The following PIWIL3 variants were observed in gnomAD, a reference collection of about 807,000 sequenced individuals.
PIWIL3 encodes piwi-like protein 3.
A neutral mutation model predicts 109.7 loss-of-function variants in PIWIL3; 101 were observed. The observed-to-expected ratio is 0.92, with a 90% CI of 0.78 to 1.09. The LOEUF (loss-of-function observed/expected upper bound fraction) is 1.09, where lower values mean the gene tolerates loss of function less well. Among genes scored for constraint, PIWIL3 ranks in the 50% least tolerant of loss-of-function variants. The pLI is 0.00. For synonymous variants in PIWIL3, 373 were observed against 376.4 expected, an observed-to-expected ratio of 0.99 and a Z score of 0.10; for missense variants, 1,031 against 1,072.6, an observed-to-expected ratio of 0.96 and a Z score of 0.54.
intron 14 of PIWIL3, among the ~76,000 whole-genome samples, chr22:24,731,707 C>T (rs541132103): frequency 6.6e-6 from 1 of 151,428 alleles, no homozygotes; most frequent in African/African-American, 2.4e-5. Context: ...CACACTTAGA[C>T]ATAGACATAT....
At chr22:24,764,689 T>C (rs1322885040) in intron 1 of PIWIL3, among the ~76,000 whole-genome samples, 1 of 136,098 alleles carries the variant, frequency 7.3e-6, no homozygotes, top group Non-Finnish European at 1.6e-5. Context: ...ATCTCTCTCT[T>C]TTGCCCAGGC....
At chr22:24,719,997 A>G (rs1569093408) in intron 19 of PIWIL3, 102 bp from the exon 20 acceptor site, 1 of 987,268 alleles carries the variant, frequency 1.0e-6, no homozygotes, top group Non-Finnish European at 1.4e-6. Context: ...GCTTACAAAA[A>G]TCTATTCTAT....
intron 2 of PIWIL3, among the ~76,000 whole-genome samples, chr22:24,761,498 G>A (rs530400315): frequency 6.6e-6 from 1 of 152,316 alleles, no homozygotes; most frequent in South Asian, 2.1e-4. Context: ...TGATGAATGG[G>A]AGTGAACTCA....
intron 8 of PIWIL3, among the ~76,000 whole-genome samples, chr22:24,753,125 T>C (rs1924809202): frequency 6.6e-6 from 1 of 151,972 alleles, no homozygotes; most frequent in Non-Finnish European, 1.5e-5. Context: ...ATTTTGATAG[T>C]ATAGTTTGAA....
Position 24,740,562 on chromosome 22 carries a change from G to GA in PIWIL3, c.1450-4671dup, listed in dbSNP as rs935776888. Among the ~76,000 whole-genome samples the GA allele has an allele frequency of 6.5e-5, 9 of 139,534 alleles. No individual in the cohort carries two copies. In the East Asian group the frequency reaches 1.3e-3, roughly 20 times the overall value. The allele number at this position is 139,534 out of a possible 152,430, so 91.5% of individuals were successfully genotyped here. On this transcript the variant is annotated intron_variant, in intron 12 of 20. Coordinates refer to ENST00000616349, the MANE Select transcript of PIWIL3 (RefSeq NM_001255975.1). ...GACTCCATCTCAAAAAAAAAAAAAA[G>GA]AAAGAAACTGGAGATATTACAACTG...
intron 12 of PIWIL3, among the ~76,000 whole-genome samples, chr22:24,737,310 T>G (rs1281599414): frequency 6.6e-6 from 1 of 152,148 alleles, no homozygotes; most frequent in Non-Finnish European, 1.5e-5. Context: ...ACCCTAGCTC[T>G]TAGATGACAT....
At chr22:24,757,269 A>T (rs942605966) in intron 4 of PIWIL3, among the ~76,000 whole-genome samples, 4 of 151,990 alleles carry the variant, frequency 2.6e-5, no homozygotes, top group Non-Finnish European at 5.9e-5. Flanking sequence ...GTGGTTTCCA[A>T]AAGGAGAGAA....
intron 3 of PIWIL3, 128 bp from the exon 4 acceptor site, chr22:24,758,167 GT>G: frequency 8.9e-7 from 1 of 1,129,918 alleles, no homozygotes; most frequent in Non-Finnish European, 1.2e-6. Flanking sequence ...ACACATTTCC[GT>G]GATATGTTGC....
chr22:24,740,235 T>A (rs1245033438), intron 12 of PIWIL3, among the ~76,000 whole-genome samples: 48 of 58,016 alleles, frequency 8.3e-4, no homozygotes, highest in South Asian at 1.3e-3. Context: ...AAAAAAAAAA[T>A]TTCTAAAAGC....
intron 12 of PIWIL3, among the ~76,000 whole-genome samples, chr22:24,744,375 A>G (rs1924228996): frequency 6.6e-6 from 1 of 151,976 alleles, no homozygotes; most frequent in South Asian, 2.1e-4. Context: ...GTTCGAGACC[A>G]GCCTGACCAA....
intron 4 of PIWIL3, among the ~76,000 whole-genome samples, chr22:24,757,098 A>AAAAAG (rs1369598819): frequency 7.0e-4 from 102 of 146,328 alleles, no homozygotes; most frequent in African/African-American, 2.5e-3. Context: ...AAAAAAAAAA[A>AAAAAG]AAAAGAAAAG....
At chr22:24,743,333 C>T (rs1029376548) in intron 12 of PIWIL3, among the ~76,000 whole-genome samples, 5 of 152,136 alleles carry the variant, frequency 3.3e-5, no homozygotes, top group Non-Finnish European at 7.3e-5. Flanking sequence ...AACTAGCAAT[C>T]CCACTACTAG....
intron 12 of PIWIL3, among the ~76,000 whole-genome samples, chr22:24,741,299 A>G (rs558010833): frequency 2.0e-5 from 3 of 152,268 alleles, no homozygotes; most frequent in South Asian, 2.1e-4. Flanking sequence ...CCAATCACGA[A>G]GTCAGGAGAT....
intron 4 of PIWIL3, 132 bp from the exon 5 acceptor site, chr22:24,756,837 T>C: frequency 1.3e-6 from 1 of 756,494 alleles, no homozygotes; most frequent in South Asian, 1.9e-5. Context: ...CCCAGCACTC[T>C]GGGAGGCCAA....
At position 24,727,292 on chromosome 22, in the gene PIWIL3, T is replaced by C. The variant is rs564336395; in HGVS notation, c.2009+658A>G. 2.6e-5 allele frequency among the ~76,000 whole-genome samples: 4 copies of C among 152,346 alleles called. No individual in the cohort carries two copies. The South Asian group carries it at 6.2e-4, about 24-fold the overall frequency. ...CTATATGGCTCTGTTGACTTTATGATAAAAGTTTTCCAAATGAGTCATTTG... is the reference window on the plus strand; with the variant it reads ...CTATATGGCTCTGTTGACTTTATGACAAAAGTTTTCCAAATGAGTCATTTG... On this transcript the variant is annotated intron_variant, in intron 16 of 20. Transcript: ENST00000616349.
rs1465091238 is a variant in PIWIL3 at position 24,749,487 on chromosome 22, A to C, written c.1251T>G (p.Ile417Met). ...LTDEICKDYS[I>M]VKELAKHTRL... Reference sequence around the variant, plus strand: ...TTGTATGTTTAGCCAATTCTTTCACAATGCTATAATCTTTACATATTTCAT... The same window carrying C: ...TTGTATGTTTAGCCAATTCTTTCACCATGCTATAATCTTTACATATTTCAT... The change falls in exon 11 of 21, where the codon ATT becomes ATG. Residue 417 changes from isoleucine (I) to methionine (M), a missense_variant. Physicochemically the swap from Ile to Met is conservative, Grantham distance 10. Coordinates refer to ENST00000616349, the MANE Select transcript of PIWIL3 (RefSeq NM_001255975.1). The C allele has an allele frequency of 6.2e-7, 1 of 1,613,502 alleles. No homozygotes were observed. The highest frequency in any genetic ancestry group is 8.5e-7 in the Non-Finnish European group (1 of 1,179,998).
chr22:24,732,057 C>T (rs1206357490), intron 14 of PIWIL3, among the ~76,000 whole-genome samples: 1 of 152,242 alleles, frequency 6.6e-6, no homozygotes, highest in African/African-American at 2.4e-5. Flanking sequence ...CATCCCCAAA[C>T]ATCAAGTACT....
chr22:24,763,534 AG>A (rs1268359938), intron 1 of PIWIL3, among the ~76,000 whole-genome samples: 1 of 152,044 alleles, frequency 6.6e-6, no homozygotes, highest in Admixed American at 6.6e-5. Flanking sequence ...TTCTGACCTC[AG>A]GTGATCCACC....
chr22:24,758,858 A>G (rs1925247460), intron 3 of PIWIL3, among the ~76,000 whole-genome samples: 1 of 152,246 alleles, frequency 6.6e-6, no homozygotes, highest in Non-Finnish European at 1.5e-5. Flanking sequence ...AAAAGAAAAC[A>G]GGTATCCTAG....
Sources: gnomAD v4.1 joint callset for allele counts (sites outside exome capture counted in the v4.1 genomes callset) on GRCh38, gnomAD v4.1.1 for gene constraint, MANE v1.5 for transcripts, NCBI Gene and HGNC (gene_info 2026-07-23, HGNC 2026-07-21) for gene names.